The following TGFBRAP1 variants were observed in gnomAD, a reference collection of about 807,000 sequenced individuals.
TGFBRAP1 encodes transforming growth factor beta receptor associated protein 1.
In TGFBRAP1, 20 loss-of-function variants were observed where a neutral mutation model predicts 83.2. The ratio of observed to expected loss-of-function variants is 0.24; its 90% confidence interval spans 0.17 to 0.35. The LOEUF is 0.35. Among genes scored for constraint, TGFBRAP1 ranks in the 10% least tolerant of loss-of-function variants. TGFBRAP1 has a pLI of 1.00. For missense variants in TGFBRAP1, 950 were observed against 1,099.4 expected, an observed-to-expected ratio of 0.86 and a Z score of 1.92; for synonymous variants, 415 against 459.8, an observed-to-expected ratio of 0.90 and a Z score of 1.25.
intron 1 of TGFBRAP1, among the ~76,000 whole-genome samples, chr2:105,325,796 G>A (rs768532471): frequency 3.3e-5 from 5 of 152,148 alleles, no homozygotes; most frequent in African/African-American, 7.2e-5. Context: ...TGCTGGTCCC[G>A]TGTTCTTCTC....
Position 105,267,047 on chromosome 2 carries a change from T to G in TGFBRAP1, c.*336A>C. Reference sequence around the variant, plus strand: ...GGTGGTGGGGGATCCCCCACCTGGGTCTGGACTGCATGAGGAAGACTCCCT... The same window carrying G: ...GGTGGTGGGGGATCCCCCACCTGGGGCTGGACTGCATGAGGAAGACTCCCT... On this transcript the variant is annotated 3_prime_UTR_variant, in exon 12 of 12. Transcript: ENST00000393359. 2 of 213,160 alleles carry G rather than the reference T, an allele frequency of 9.4e-6. No individual in the cohort carries two copies. The highest frequency in any genetic ancestry group is 5.2e-5 in the Admixed American group (1 of 19,188). The allele number at this position is 213,160 out of a possible 1,614,324, so 13.2% of individuals were successfully genotyped here.
chr2:105,297,135 G>A (rs1678117141), intron 3 of TGFBRAP1, among the ~76,000 whole-genome samples: 1 of 152,120 alleles, frequency 6.6e-6, no homozygotes, highest in South Asian at 2.1e-4. Context: ...CAGAACTGCA[G>A]TCCAAGACTA....
chr2:105,282,645 T>G (rs1302901855), intron 5 of TGFBRAP1, among the ~76,000 whole-genome samples: 1 of 151,858 alleles, frequency 6.6e-6, no homozygotes, highest in African/African-American at 2.4e-5. Context: ...GGCAACACAA[T>G]AAGATCCCAT....
At chr2:105,316,485 G>GCACA (rs1678880128) in intron 1 of TGFBRAP1, among the ~76,000 whole-genome samples, 3 of 85,880 alleles carry the variant, frequency 3.5e-5, no homozygotes, top group African/African-American at 6.6e-5. Context: ...GCGCGCACGC[G>GCACA]CACATAACTC....
chr2:105,251,183 G>A, the TGFBRAP1 span, among the ~76,000 whole-genome samples: 2 of 147,056 alleles, frequency 1.4e-5, no homozygotes, highest in South Asian at 2.1e-4. Flanking sequence ...GTCTCTGCCC[G>A]GCCGCCCCGT....
intron 1 of TGFBRAP1, among the ~76,000 whole-genome samples, chr2:105,317,350 T>C (rs1347430858): frequency 6.6e-6 from 1 of 151,970 alleles, no homozygotes; most frequent in African/African-American, 2.4e-5. Context: ...GGCAGGAGAA[T>C]TGCTTGAACC....
chr2:105,320,898 G>A (rs1236621717), intron 1 of TGFBRAP1, among the ~76,000 whole-genome samples: 2 of 152,148 alleles, frequency 1.3e-5, no homozygotes, highest in African/African-American at 4.8e-5. Context: ...CTACAGTGGT[G>A]GGATCGAATT....
At chr2:105,276,877 G>C (rs906174551) in intron 7 of TGFBRAP1, among the ~76,000 whole-genome samples, 25 of 152,168 alleles carry the variant, frequency 1.6e-4, no homozygotes, top group African/African-American at 5.8e-4. Context: ...AGAGTCATGA[G>C]GTTAACTTTA....
the TGFBRAP1 span, chr2:105,249,476 T>C: frequency 6.6e-6 from 1 of 152,276 alleles, no homozygotes; most frequent in South Asian, 2.1e-4. Flanking sequence ...GTTGCCTCTT[T>C]CTTTATCCCA....
intron 2 of TGFBRAP1, among the ~76,000 whole-genome samples, chr2:105,301,531 G>A (rs1217805177): frequency 6.6e-6 from 1 of 152,032 alleles, no homozygotes; most frequent in Non-Finnish European, 1.5e-5. Context: ...AGGTTGCAGT[G>A]AGCCGAGATT....
chr2:105,276,401 A>ACACAGCACCACCCCTCCAAGC (rs1432348858), intron 7 of TGFBRAP1, among the ~76,000 whole-genome samples: 3 of 152,150 alleles, frequency 2.0e-5, no homozygotes, highest in Non-Finnish European at 2.9e-5. Context: ...ACCCACCCAT[A>ACACAGCACCACCCCTCCAAGC]CACAGCACCA....
rs1309228893 is a variant in TGFBRAP1, at chr2:105,308,252, A to G, written c.50T>C (p.Leu17Pro). ...FTLVSAVERE[L>P]LMGDKERVNI... is the part of the protein sequence containing the mutation. ...GACGCGCTCCTTGTCGCCCATCAGC[A>G]GCTCCCGCTCCACAGCAGAGACAAG... Residue 17 changes from leucine to proline, a missense_variant, in exon 2 of 12, where the codon CTG (leucine) becomes CCG (proline). Leu to Pro is a moderately conservative substitution (Grantham distance 98). Coordinates refer to ENST00000393359, the MANE Select transcript of TGFBRAP1 (RefSeq NM_004257.6). 2 of 1,614,180 alleles carry G rather than the reference A, an allele frequency of 1.2e-6. No homozygotes were observed. The highest frequency in any genetic ancestry group is 3.3e-5 in the Admixed American group (2 of 60,028).
chr2:105,279,751 T>C (rs1677467284), intron 6 of TGFBRAP1, among the ~76,000 whole-genome samples: 1 of 152,062 alleles, frequency 6.6e-6, no homozygotes, highest in Non-Finnish European at 1.5e-5. Context: ...GAAAAATAAC[T>C]TCATGGCTGG....
chr2:105,321,172 T>TTTA (rs1679050279), intron 1 of TGFBRAP1, among the ~76,000 whole-genome samples: 1 of 147,958 alleles, frequency 6.8e-6, no homozygotes, highest in Non-Finnish European at 1.5e-5. Flanking sequence ...TTATTTATTT[T>TTTA]TTTTTTTTTT....
At chr2:105,280,798 G>C in intron 5 of TGFBRAP1, 75 bp from the exon 6 acceptor site, 1 of 1,469,702 alleles carries the variant, frequency 6.8e-7, no homozygotes, top group Non-Finnish European at 9.2e-7. Flanking sequence ...CAGCACTGGA[G>C]GGGAGCGCAC....
At chr2:105,253,614 T>C in the TGFBRAP1 span, among the ~76,000 whole-genome samples, 1 of 152,044 alleles carries the variant, frequency 6.6e-6, no homozygotes, top group African/African-American at 2.4e-5. Flanking sequence ...AAAACGTTTT[T>C]TGTAGAAAGA....
chr2:105,318,173 G>A (rs529505346), intron 1 of TGFBRAP1, among the ~76,000 whole-genome samples: 1 of 152,292 alleles, frequency 6.6e-6, no homozygotes, highest in Admixed American at 6.5e-5. Flanking sequence ...CAGCAATCCT[G>A]TTTGAGACAC....
chr2:105,264,799 C>T lies in TGFBRAP1; in HGVS notation c.*2584G>A, dbSNP rs1676866271. ...AGTTCCAAAAACCAAATGGTATTGC[C>T]CATAGAATATGAATGTAAACTGAGT... On this transcript the variant is annotated 3_prime_UTR_variant, in exon 12 of 12. Transcript: ENST00000393359. The T allele has an allele frequency of 6.6e-6, 1 of 152,178 alleles. No homozygotes were observed. Among genetic ancestry groups the T allele is most frequent in the Admixed American group, 6.5e-5 (1 of 15,282 alleles). 9.4% of individuals were successfully genotyped at this position (152,178 alleles called of 1,614,324 possible). A position where few individuals can be genotyped will look rare whatever the true frequency, so the allele number is the denominator to read the frequency against.
chr2:105,255,323 C>CT, the TGFBRAP1 span, among the ~76,000 whole-genome samples: 4 of 151,278 alleles, frequency 2.6e-5, no homozygotes, highest in Non-Finnish European at 3.0e-5. Flanking sequence ...TCCTTTCTTT[C>CT]TTTTTTTTTC....
Sources: allele counts gnomAD v4.1 joint callset (sites outside exome capture counted in the v4.1 genomes callset), GRCh38; gene constraint gnomAD v4.1.1; transcripts MANE v1.5; gene names NCBI Gene and HGNC (gene_info 2026-07-23, HGNC 2026-07-21).